NR2F6: variants seen among roughly 807,000 people sequenced by gnomAD.
The protein encoded by NR2F6 is nuclear receptor subfamily 2 group F member 6, also known as ERBA-related gene-2.
A neutral mutation model predicts 26.5 loss-of-function variants in NR2F6; 16 were observed. The observed-to-expected ratio is 0.60, with a 90% CI of 0.41 to 0.92. The LOEUF is 0.92. Among genes scored for constraint, NR2F6 ranks in the 40% least tolerant of loss-of-function variants. The pLI is 0.00. For missense variants in NR2F6, 536 were observed against 631.7 expected (o/e 0.85, Z 1.62); for synonymous variants, 325 against 305.0 (o/e 1.07, Z -0.68).
chr19:17,245,210 A>G lies in NR2F6; in HGVS notation c.11T>C (p.Val4Ala). Reference protein sequence around the residue: MAMVTGGWGGPGGD... With the variant: MAMATGGWGGPGGD... Reference sequence around the variant, plus strand: ...GCCGGGGCCGCCCCAGCCGCCGGTCACCATGGCCATAGCCCCAGGGCAGCG... The same window carrying G: ...GCCGGGGCCGCCCCAGCCGCCGGTCGCCATGGCCATAGCCCCAGGGCAGCG... Residue 4 changes from valine (V) to alanine (A), a missense_variant, in exon 1 of 4, where the codon GTG becomes GCG. Val to Ala is a moderately conservative substitution (Grantham distance 64). Transcript: ENST00000291442. The surrounding 1 kb of genome is among the most constrained non-coding windows in gnomAD (Gnocchi z 5.0). 7.3e-7 allele frequency: 1 copy of G among 1,366,548 alleles called. No homozygotes were observed. The highest frequency in any genetic ancestry group is 1.5e-5 in the African/African-American group (1 of 64,836). The allele number at this position is 1,366,548 out of a possible 1,614,324, so 84.7% of individuals were successfully genotyped here. A position where few individuals can be genotyped will look rare whatever the true frequency, so the allele number is the denominator to read the frequency against.
At chr19:17,240,241 TAA>T (rs35217647) in intron 2 of NR2F6, among the ~76,000 whole-genome samples, 4 of 149,580 alleles carry the variant, frequency 2.7e-5, no homozygotes, top group South Asian at 2.1e-4. Context: ...ACAAATCAAA[TAA>T]AAAAAAAAAT....
intron 3 of NR2F6, among the ~76,000 whole-genome samples, chr19:17,233,856 CAG>C (rs2073421312): frequency 6.6e-6 from 1 of 152,170 alleles, no homozygotes; most frequent in Non-Finnish European, 1.5e-5. Flanking sequence ...ATGAGGAAGA[CAG>C]AGCCCAGAAG....
In NR2F6 at chr19:17,235,313, CA is replaced by C. The variant is rs1380652046; in HGVS notation, c.940+185del. Among the ~76,000 whole-genome samples the C allele has an allele frequency of 1.3e-5, 2 of 152,212 alleles. No individual in the cohort carries two copies. The highest frequency in any genetic ancestry group is 2.4e-5 in the African/African-American group (1 of 41,466). On this transcript the variant is annotated intron_variant, in intron 3 of 3. Coordinates refer to ENST00000291442, the MANE Select transcript of NR2F6 (RefSeq NM_005234.4). The surrounding 1 kb of genome is among the most constrained non-coding windows in gnomAD (Gnocchi z 5.0). Reference sequence around the variant, plus strand: ...CTGGGATCACGGAGTGGGGGTGTCACAGTGTCACACTGCTTACATCACCCCT... The same window carrying C: ...CTGGGATCACGGAGTGGGGGTGTCACGTGTCACACTGCTTACATCACCCCT...
At position 17,245,720 on chromosome 19, in the gene NR2F6, G is replaced by GATCGCCGCGCCCC. The variant is rs2073495199; in HGVS notation, c.-513_-501dup. The stretch of plus-strand genomic sequence containing the variant: ...GGGGCGGCGGGTGCGCGCCGGGGCT[G>GATCGCCGCGCCCC]ATCGCCGCGCCCCCTGGGTCCCCCG... On this transcript the variant is annotated 5_prime_UTR_variant, in exon 1 of 4. It adds an upstream start codon to the 5' untranslated region. Transcript: ENST00000291442. The surrounding 1 kb of genome is among the most constrained non-coding windows in gnomAD (Gnocchi z 5.0). 1 of 145,442 alleles carries GATCGCCGCGCCCC rather than the reference G, an allele frequency of 6.9e-6. No homozygotes were observed. Among genetic ancestry groups the GATCGCCGCGCCCC allele is most frequent in the African/African-American group, 2.5e-5 (1 of 40,596 alleles). The allele number at this position is 145,442 out of a possible 1,614,324, so 9.0% of individuals were successfully genotyped here.
rs1475104549 is a variant in NR2F6, at chr19:17,235,310, T to G, written c.940+189A>C. 6.6e-6 allele frequency among the ~76,000 whole-genome samples: 1 copy of G among 152,070 alleles called. No individual in the cohort carries two copies. Among genetic ancestry groups the G allele is most frequent in the East Asian group, 1.9e-4 (1 of 5,178 alleles). On this transcript the variant is annotated intron_variant, in intron 3 of 3. Coordinates refer to ENST00000291442, the MANE Select transcript of NR2F6 (RefSeq NM_005234.4). This position sits in a 1 kb window ranked among gnomAD's most constrained non-coding sequence, Gnocchi z 5.0. The stretch of plus-strand genomic sequence containing the variant: ...GTCCTGGGATCACGGAGTGGGGGTG[T>G]CACAGTGTCACACTGCTTACATCAC...
At position 17,239,571 on chromosome 19, in the gene NR2F6, G is replaced by A. The variant is rs968395820; in HGVS notation, c.373+1100C>T. 3.3e-5 allele frequency among the ~76,000 whole-genome samples: 5 copies of A among 151,638 alleles called. No homozygotes were observed. The East Asian group carries it at 7.8e-4, about 24-fold the overall frequency. ...CCGGAGGCTGAGGCAGGAGAATGGC[G>A]TGAACCCAGGGGGCGGAGCCTGCAG... On this transcript the variant is annotated intron_variant, in intron 2 of 3. Transcript: ENST00000291442.
chr19:17,243,787 C>A (rs2145569570), intron 1 of NR2F6, among the ~76,000 whole-genome samples: 1 of 152,254 alleles, frequency 6.6e-6, no homozygotes, highest in African/African-American at 2.4e-5. Flanking sequence ...CCACTCCGAT[C>A]CGAACTCAGC....
In NR2F6 at chr19:17,235,815, C is replaced by A; in HGVS notation, c.624G>T (p.Arg208=). Residue 208 remains arginine, a synonymous_variant, in exon 3 of 4, where the codon CGG becomes CGT. Transcript: ENST00000291442. This position sits in a 1 kb window ranked among gnomAD's most constrained non-coding sequence, Gnocchi z 5.0. ...GIDNVCELAA[R]LLFSTVEWAR... ...CCCACTCCACGGTGCTGAAGAGCAG[C>A]CGCGCCGCCAGCTCGCACACGTTGT... 6.8e-7 allele frequency: 1 copy of A among 1,480,220 alleles called. No individual in the cohort carries two copies. The highest frequency in any genetic ancestry group is 1.3e-5 in the South Asian group (1 of 78,262). The allele number at this position is 1,480,220 out of a possible 1,614,324, so 91.7% of individuals were successfully genotyped here.
rs185449239 is a variant in NR2F6, at chr19:17,237,624, A to C, written c.374-1559T>G. Reference sequence around the variant, plus strand: ...ACGGGGTTTCACCATGTTGGCCAGGATGGTCTCAATCTCCTGACCTCGTGA... The same window carrying C: ...ACGGGGTTTCACCATGTTGGCCAGGCTGGTCTCAATCTCCTGACCTCGTGA... On this transcript the variant is annotated intron_variant, in intron 2 of 3. Transcript: ENST00000291442. Among the ~76,000 whole-genome samples the C allele has an allele frequency of 1.6e-3, 240 of 152,050 alleles. 2 individuals carry two copies. The highest frequency in any genetic ancestry group is 0.01 in the Middle Eastern group (3 of 294).
chr19:17,241,386 G>A (rs755349129), intron 1 of NR2F6, among the ~76,000 whole-genome samples: 3 of 152,194 alleles, frequency 2.0e-5, no homozygotes, highest in South Asian at 2.1e-4. Context: ...ACGCTCTTCC[G>A]AGAGGACCAC....
intron 2 of NR2F6, 110 bp downstream of exon 2, chr19:17,240,561 T>TGTGAAAGGGAGGG (rs201503736): frequency 7.9e-6 from 9 of 1,140,080 alleles, no homozygotes; most frequent in Admixed American, 5.6e-5. Context: ...CCCAGACCCC[T>TGTGAAAGGGAGGG]GTGAAAGGGA....
Position 17,240,756 on chromosome 19 carries a change from A to C in NR2F6, c.288T>G (p.Arg96=). The C allele has an allele frequency of 2.5e-6, 4 of 1,614,064 alleles. No homozygotes were observed. Among genetic ancestry groups the C allele is most frequent in the Non-Finnish European group, 3.4e-6 (4 of 1,179,964 alleles). The change falls in exon 2 of 4, where the codon CGT becomes CGG. Residue 96 remains arginine (R), a synonymous_variant. Coordinates refer to ENST00000291442, the MANE Select transcript of NR2F6 (RefSeq NM_005234.4). ...GGTGGTGCTGGTCGATCTGGCAGTC[A>C]CGGTTGGACCTGGGGGCACACAGAA... The part of the protein sequence containing the change: ...RNLSYTCRSN[R]DCQIDQHHRN...
rs1191308250 is a variant in NR2F6, at chr19:17,245,602, G to T, written c.-382C>A. 1 of 146,530 alleles carries T rather than the reference G, an allele frequency of 6.8e-6. No individual in the cohort carries two copies. The highest frequency in any genetic ancestry group is 2.5e-5 in the African/African-American group (1 of 40,804). The allele number at this position is 146,530 out of a possible 1,614,324, so 9.1% of individuals were successfully genotyped here. On this transcript the variant is annotated 5_prime_UTR_variant, in exon 1 of 4. Coordinates refer to ENST00000291442, the MANE Select transcript of NR2F6 (RefSeq NM_005234.4). The surrounding 1 kb of genome is among the most constrained non-coding windows in gnomAD (Gnocchi z 5.0). ...TGGCCTGGCCGCCGCTCGCCCGGGG[G>T]CTGCGGCCAACTCAGCGGGCCGCCA...
chr19:17,238,280 G>A (rs1025312788), intron 2 of NR2F6, among the ~76,000 whole-genome samples: 4 of 152,184 alleles, frequency 2.6e-5, no homozygotes, highest in Non-Finnish European at 5.9e-5. Flanking sequence ...TAGGCGCTGG[G>A]GAACAAGACA....
rs907848836 is a variant in NR2F6 at position 17,245,148 on chromosome 19, G to A, written c.73C>T (p.Pro25Ser). 1.1e-4 allele frequency: 152 copies of A among 1,431,462 alleles called. No homozygotes were observed. Among genetic ancestry groups the A allele is most frequent in the Non-Finnish European group, 1.3e-4 (147 of 1,097,442 alleles). The allele number at this position is 1,431,462 out of a possible 1,614,324, so 88.7% of individuals were successfully genotyped here. Reference protein sequence around the residue: ...TNGVDKAGGYPRAAEDDSASP... With the variant: ...TNGVDKAGGYSRAAEDDSASP... The stretch of plus-strand genomic sequence containing the variant: ...GCCGAGTCGTCCTCGGCCGCGCGCG[G>A]GTAGCCGCCCGCCTTGTCCACGCCG... The change falls in exon 1 of 4, where the codon CCG becomes TCG. Residue 25 changes from proline (P) to serine (S), a missense_variant. Pro to Ser is a moderately conservative substitution (Grantham distance 74). Coordinates refer to ENST00000291442, the MANE Select transcript of NR2F6 (RefSeq NM_005234.4). This position sits in a 1 kb window ranked among gnomAD's most constrained non-coding sequence, Gnocchi z 5.0.
intron 2 of NR2F6, among the ~76,000 whole-genome samples, chr19:17,237,827 TCTG>T (rs1370278974): frequency 1.3e-5 from 2 of 152,184 alleles, no homozygotes; most frequent in African/African-American, 4.8e-5. Context: ...GCCTCACCAA[TCTG>T]CTGTGTGCCT....
rs760641210 is a variant in NR2F6 at position 17,235,835 on chromosome 19, C to A, written c.604G>T (p.Val202Leu). ...AAGAVLGIDN[V>L]CELAARLLFS... ...AGCAGCCGCGCCGCCAGCTCGCACA[C>A]GTTGTCGATGCCCAGCACCGCGCCC... Residue 202 changes from valine to leucine, a missense_variant, in exon 3 of 4, where the codon GTG becomes TTG. Transcript: ENST00000291442. This position sits in a 1 kb window ranked among gnomAD's most constrained non-coding sequence, Gnocchi z 5.0. 2.7e-6 allele frequency: 4 copies of A among 1,480,172 alleles called. No individual in the cohort carries two copies. The Middle Eastern group carries it at 7.0e-4, about 260-fold the overall frequency. 91.7% of individuals were successfully genotyped at this position (1,480,172 alleles called of 1,614,324 possible).
Position 17,235,456 on chromosome 19 carries a change from T to C in NR2F6, c.940+43A>G. 1 of 1,540,788 alleles carries C rather than the reference T, an allele frequency of 6.5e-7. No homozygotes were observed. Among genetic ancestry groups the C allele is most frequent in the African/African-American group, 1.4e-5 (1 of 72,868 alleles). ...CAGGCCGCCCTCCTCCTAACCTCCC[T>C]TGGGTCCCCCCATCCCGCGGCCCTC... is the stretch of plus-strand genomic sequence containing the variant. On this transcript the variant is annotated intron_variant, in intron 3 of 3. Transcript: ENST00000291442. The surrounding 1 kb of genome is among the most constrained non-coding windows in gnomAD (Gnocchi z 5.0).
At chr19:17,232,706 C>T in intron 3 of NR2F6, 80 bp from the exon 4 acceptor site, 2 of 1,463,072 alleles carry the variant, frequency 1.4e-6, no homozygotes, top group East Asian at 2.3e-5. Flanking sequence ...GGGGACACCA[C>T]TCGCCACTGT....
Sources: allele counts gnomAD v4.1 joint callset (sites outside exome capture counted in the v4.1 genomes callset), GRCh38; gene constraint gnomAD v4.1.1; non-coding constraint Gnocchi (gnomAD v3.1); transcripts MANE v1.5; gene names NCBI Gene and HGNC (gene_info 2026-07-23, HGNC 2026-07-21).